Variants in IL1RAPL1 observed in about 807,000 individuals in gnomAD.
IL1RAPL1 encodes interleukin-1 receptor accessory protein-like 1.
IL1RAPL1 carries 3 observed loss-of-function variants against 48.4 expected under a neutral mutation model. The observed-to-expected ratio is 0.06, with a 90% CI of 0.03 to 0.16. IL1RAPL1 has a LOEUF of 0.16. Ranked by LOEUF, IL1RAPL1 falls within the 10% of genes least tolerant of loss-of-function variation. The pLI, the probability that IL1RAPL1 is intolerant of heterozygous loss-of-function variation, is 1.00. For synonymous variants in IL1RAPL1, 185 were observed against 187.7 expected (o/e 0.99, Z 0.12); for missense variants, 349 against 530.6 (o/e 0.66, Z 3.36).
chrX:29,203,546 C>A (rs1411435438), intron 2 of IL1RAPL1, among the ~76,000 whole-genome samples: 1 of 108,623 alleles, frequency 9.2e-6, no homozygotes, highest in East Asian at 2.9e-4. Flanking sequence ...CATGGAGAAA[C>A]CCCGTCTCTA....
At chrX:29,802,947 G>GTATATATGTGTACATATATA (rs1569173202) in intron 6 of IL1RAPL1, among the ~76,000 whole-genome samples, 3 of 45,410 alleles carry the variant, frequency 6.6e-5, no homozygotes, top group African/African-American at 3.0e-4. Context: ...ACATATGTAT[G>GTATATATGTGTACATATATA]CATATATGTA....
chrX:29,541,816 T>C (rs764660431), intron 5 of IL1RAPL1, among the ~76,000 whole-genome samples: 1 of 110,601 alleles, frequency 9.0e-6, no homozygotes, highest in South Asian at 3.8e-4. Flanking sequence ...TGAAAAACGA[T>C]TGGGTACTAT....
intron 6 of IL1RAPL1, among the ~76,000 whole-genome samples, chrX:29,738,450 C>CTTTTTTTTTTTTTTTTTTTTTTTTTTTTT (rs59952038): frequency 1.2e-5 from 1 of 86,164 alleles, no homozygotes; most frequent in African/African-American, 4.7e-5. Flanking sequence ...CTTTTCTTTT[C>CTTTTTTTTTTTTTTTTTTTTTTTTTTTTT]TTTTTTTTTT....
rs764292494 is a variant in IL1RAPL1 at position 29,911,126 on chromosome X, T to A, written c.779-6338T>A. Among the ~76,000 whole-genome samples the A allele has an allele frequency of 2.1e-4, 24 of 111,846 alleles. No homozygotes were observed. In the South Asian group the frequency reaches 9.0e-3, roughly 42 times the overall value. ...ACCCAAATGTTCATCAGCTGATGAA[T>A]GGATAAACAAAATCAACATATGGGA... On this transcript the variant is annotated intron_variant, in intron 6 of 10. Transcript: ENST00000378993.
intron 5 of IL1RAPL1, among the ~76,000 whole-genome samples, chrX:29,467,570 G>A (rs1019920635): frequency 2.7e-5 from 3 of 112,293 alleles, no homozygotes; most frequent in African/African-American, 6.5e-5. Context: ...TTTGGGCACC[G>A]GCAGGAATGA....
chrX:28,685,492 A>T (rs1935099986), intron 1 of IL1RAPL1, among the ~76,000 whole-genome samples: 1 of 112,311 alleles, frequency 8.9e-6, no homozygotes. Flanking sequence ...AAATAAATTA[A>T]CTTGTAAATT....
At chrX:28,726,665 C>G (rs1351464128) in intron 1 of IL1RAPL1, among the ~76,000 whole-genome samples, 1 of 112,319 alleles carries the variant, frequency 8.9e-6, no homozygotes, top group Non-Finnish European at 1.9e-5. Context: ...ATTCAATTCA[C>G]TCTACAGTTA....
At chrX:28,733,363 A>C (rs1336828534) in intron 1 of IL1RAPL1, among the ~76,000 whole-genome samples, 1 of 110,501 alleles carries the variant, frequency 9.0e-6, no homozygotes, top group Non-Finnish European at 1.9e-5. Context: ...CCTTTATAGT[A>C]AAACTCAGAA....
chrX:28,753,425 T>C (rs1214541346), intron 1 of IL1RAPL1, among the ~76,000 whole-genome samples: 1 of 112,228 alleles, frequency 8.9e-6, no homozygotes, highest in Non-Finnish European at 1.9e-5. Context: ...AAAAATGTCA[T>C]GCACCCAAGA....
intron 2 of IL1RAPL1, among the ~76,000 whole-genome samples, chrX:29,243,520 A>G (rs999608978): frequency 1.1e-4 from 12 of 111,475 alleles, no homozygotes; most frequent in African/African-American, 3.9e-4. Flanking sequence ...CATCCTCTCA[A>G]ATCACTTTCT....
chrX:29,949,331 T>C lies in IL1RAPL1; in HGVS notation c.1202-5191T>C, dbSNP rs983380019. Among the ~76,000 whole-genome samples, 5 of 112,437 alleles carry C rather than the reference T, an allele frequency of 4.4e-5. No homozygotes were observed. In the East Asian group the frequency reaches 1.4e-3, roughly 31 times the overall value. On this transcript the variant is annotated intron_variant, in intron 9 of 10. Transcript: ENST00000378993. ...ATCAAAGCTTTTAGTTAATTCAATT[T>C]AAGAAGAAATATCTGCTGGACTTGT...
At chrX:28,803,136 T>G (rs1936693451) in intron 2 of IL1RAPL1, among the ~76,000 whole-genome samples, 1 of 111,932 alleles carries the variant, frequency 8.9e-6, no homozygotes, top group African/African-American at 3.2e-5. Context: ...CAAATTATTT[T>G]GACAAGTGCA....
Position 29,162,515 on chromosome X carries a change from GTA to G in IL1RAPL1, c.83-120419_83-120418del, listed in dbSNP as rs1156440519. Among the ~76,000 whole-genome samples, 4 of 109,712 alleles carry G rather than the reference GTA, an allele frequency of 3.6e-5. No individual in the cohort carries two copies. In the East Asian group the frequency reaches 1.1e-3, roughly 31 times the overall value. The stretch of plus-strand genomic sequence containing the variant: ...ATTTTGAGCAAATACCCCAATATGT[GTA>G]TATTTTTCTAATAACAAATAATACA... On this transcript the variant is annotated intron_variant, in intron 2 of 10. Transcript: ENST00000378993.
At chrX:29,922,133 G>T (rs772341995) in intron 8 of IL1RAPL1, among the ~76,000 whole-genome samples, 35 of 110,873 alleles carry the variant, frequency 3.2e-4, no homozygotes, top group Admixed American at 1.1e-3. Context: ...TTATATCTAA[G>T]GATAAAGCTA....
chrX:29,201,614 G>A (rs781227924), intron 2 of IL1RAPL1, among the ~76,000 whole-genome samples: 10 of 111,236 alleles, frequency 9.0e-5, no homozygotes, highest in African/African-American at 6.5e-5. Context: ...AGCACTTTCC[G>A]TTTTCTTTCT....
chrX:29,913,309 G>A (rs1041951272), intron 6 of IL1RAPL1, among the ~76,000 whole-genome samples: 2 of 110,168 alleles, frequency 1.8e-5, no homozygotes, highest in Non-Finnish European at 3.8e-5. Context: ...ACAAAGCACT[G>A]CTCAAATTGA....
At chrX:28,893,396 C>T (rs1040170705) in intron 2 of IL1RAPL1, among the ~76,000 whole-genome samples, 2 of 110,882 alleles carry the variant, frequency 1.8e-5, no homozygotes, top group African/African-American at 6.6e-5. Context: ...TAATAAAGGC[C>T]GGTCCATTAT....
intron 5 of IL1RAPL1, among the ~76,000 whole-genome samples, chrX:29,591,438 AG>A: frequency 8.9e-6 from 1 of 112,716 alleles, no homozygotes; most frequent in Middle Eastern, 4.6e-3. Flanking sequence ...TCTGTGAATT[AG>A]CCAAAGGTCA....
chrX:28,791,086 A>T (rs1008841117), intron 2 of IL1RAPL1, among the ~76,000 whole-genome samples: 2 of 111,502 alleles, frequency 1.8e-5, no homozygotes, highest in African/African-American at 6.5e-5. Context: ...ATTACCACTA[A>T]TTATATAAAA....
Sources: gnomAD v4.1 joint callset for allele counts (sites outside exome capture counted in the v4.1 genomes callset) on GRCh38, gnomAD v4.1.1 for gene constraint, MANE v1.5 for transcripts, NCBI Gene and HGNC (gene_info 2026-07-23, HGNC 2026-07-21) for gene names.